Variants in ASB13 observed in about 807,000 individuals in gnomAD.
ASB13 encodes ankyrin repeat and SOCS box protein 13.
In ASB13, 33 loss-of-function variants were observed where a neutral mutation model predicts 28.8. That is an observed-to-expected ratio of 1.15 (90% CI 0.87 to 1.53). The LOEUF (loss-of-function observed/expected upper bound fraction) is 1.53. ASB13 is among the 40% of genes most tolerant of loss of function. The pLI is 0.00. For synonymous variants in ASB13, 182 were observed against 172.9 expected, an observed-to-expected ratio of 1.05 and a Z score of -0.41; for missense variants, 414 against 390.1, an observed-to-expected ratio of 1.06 and a Z score of -0.52.
rs1006916489 is a variant in ASB13, at chr10:5,655,669, G to A, written c.44-2619C>T. 2.0e-5 allele frequency among the ~76,000 whole-genome samples: 3 copies of A among 152,206 alleles called. No homozygotes were observed. Among genetic ancestry groups the A allele is most frequent in the African/African-American group, 7.2e-5 (3 of 41,464 alleles). ...CTCCAGGTGGCCCTCAGCCCCACCA[G>A]TAGTAATGAACAGTAACCCACTGCC... On this transcript the variant is annotated intron_variant, in intron 1 of 5. Transcript: ENST00000357700. This position sits in a 1 kb window ranked among gnomAD's most constrained non-coding sequence, Gnocchi z 6.2.
At chr10:5,648,087 G>A (rs61832711) in intron 4 of ASB13, among the ~76,000 whole-genome samples, 22 of 111,040 alleles carry the variant, frequency 2.0e-4, no homozygotes, top group South Asian at 1.6e-3. Flanking sequence ...AAACACCCAC[G>A]CAGGCAAACA....
chr10:5,666,395 C>A, intron 1 of ASB13, 114 bp downstream of exon 1: 3 of 960,670 alleles, frequency 3.1e-6, no homozygotes, highest in East Asian at 4.2e-5. Flanking sequence ...CCCCCGCCCA[C>A]GGAGCCAGCG....
At chr10:5,647,607 G>T (rs1039131954) in intron 4 of ASB13, among the ~76,000 whole-genome samples, 1 of 152,188 alleles carries the variant, frequency 6.6e-6, no homozygotes, top group Admixed American at 6.5e-5. Flanking sequence ...TCACCAGGCA[G>T]CTGTGGGGAC....
rs1178535179 is a variant in ASB13 at position 5,645,548 on chromosome 10, G to C, written c.517+3422C>G. On this transcript the variant is annotated intron_variant, in intron 4 of 5. Transcript: ENST00000357700. This position sits in a 1 kb window ranked among gnomAD's most constrained non-coding sequence, Gnocchi z 5.4. ...AAAGAACAAGAACAACGGTCTCCAC[G>C]TCCCCCGTGGGGTGCAACGTGGCTC... is the stretch of plus-strand genomic sequence containing the variant. Among the ~76,000 whole-genome samples the C allele has an allele frequency of 6.6e-6, 1 of 152,228 alleles. No individual in the cohort carries two copies. Among genetic ancestry groups the C allele is most frequent in the Non-Finnish European group, 1.5e-5 (1 of 68,020 alleles).
rs117956194 is a variant in ASB13, at chr10:5,660,524, C to G, written c.43+5985G>C. Among the ~76,000 whole-genome samples the G allele has an allele frequency of 6.6e-6, 1 of 152,174 alleles. No homozygotes were observed. Among genetic ancestry groups the G allele is most frequent in the Non-Finnish European group, 1.5e-5 (1 of 68,032 alleles). The stretch of plus-strand genomic sequence containing the variant: ...GGCAAGCTGCAGGAACCACCCTGCT[C>G]GTGAGTTCAAAGCTCGTCTCACAGC... On this transcript the variant is annotated intron_variant, in intron 1 of 5. Transcript: ENST00000357700. This position sits in a 1 kb window ranked among gnomAD's most constrained non-coding sequence, Gnocchi z 6.1.
chr10:5,645,963 G>A lies in ASB13; in HGVS notation c.517+3007C>T, dbSNP rs1834880578. On this transcript the variant is annotated intron_variant, in intron 4 of 5. Coordinates refer to ENST00000357700, the MANE Select transcript of ASB13 (RefSeq NM_024701.4). This position sits in a 1 kb window ranked among gnomAD's most constrained non-coding sequence, Gnocchi z 5.4. ...CTAAGAAGAAGATGATGATCCATCT[G>A]CTCTCACAAGGGGTACTAGAGGAGA... Among the ~76,000 whole-genome samples the A allele has an allele frequency of 1.3e-5, 2 of 152,206 alleles. No individual in the cohort carries two copies. Among genetic ancestry groups the A allele is most frequent in the African/African-American group, 4.8e-5 (2 of 41,462 alleles).
chr10:5,647,672 A>C (rs1157281504), intron 4 of ASB13, among the ~76,000 whole-genome samples: 1 of 152,178 alleles, frequency 6.6e-6, no homozygotes, highest in African/African-American at 2.4e-5. Flanking sequence ...ACCTACTAGG[A>C]CACACCAGGC....
In ASB13 at chr10:5,663,863, C is replaced by A. The variant is rs1835212197; in HGVS notation, c.43+2646G>T. Among the ~76,000 whole-genome samples, 1 of 152,106 alleles carries A rather than the reference C, an allele frequency of 6.6e-6. No homozygotes were observed. The highest frequency in any genetic ancestry group is 6.5e-5 in the Admixed American group (1 of 15,276). On this transcript the variant is annotated intron_variant, in intron 1 of 5. Transcript: ENST00000357700. This position sits in a 1 kb window ranked among gnomAD's most constrained non-coding sequence, Gnocchi z 4.9. The stretch of plus-strand genomic sequence containing the variant: ...CCTTTAGAAATGCCCTGGACTGCTA[C>A]CCTAGTGGATTCTCCCTCTCCCCGC...
intron 4 of ASB13, among the ~76,000 whole-genome samples, chr10:5,647,775 G>A (rs759345316): frequency 3.3e-5 from 5 of 152,178 alleles, no homozygotes; most frequent in Non-Finnish European, 7.3e-5. Context: ...GTCTCAGCTG[G>A]CAAGTAAGAG....
Position 5,651,587 on chromosome 10 carries a change from GGCAGGATAAGCTCA to G in ASB13, c.232-238_232-225del, listed in dbSNP as rs1834986335. 7.6e-6 allele frequency: 4 copies of G among 525,336 alleles called. No homozygotes were observed. Among genetic ancestry groups the G allele is most frequent in the Admixed American group, 3.6e-5 (1 of 27,732 alleles). The allele number at this position is 525,336 out of a possible 1,614,324, so 32.5% of individuals were successfully genotyped here. A position where few individuals can be genotyped will look rare whatever the true frequency, so the allele number is the denominator to read the frequency against. On this transcript the variant is annotated intron_variant, in intron 2 of 5. Coordinates refer to ENST00000357700, the MANE Select transcript of ASB13 (RefSeq NM_024701.4). The surrounding 1 kb of genome is among the most constrained non-coding windows in gnomAD (Gnocchi z 5.1). ...CTCGTTCAGGATTCTTTTCTCTCAG[GGCAGGATAAGCTCA>G]GCAGCCCCCTCGCCACCCCCGCCCC...
rs955112440 is a variant in ASB13 at position 5,641,307 on chromosome 10, G to A, written c.709+463C>T. ...AGTAGAGATGGGGTTTCATCAAGTT[G>A]GCCAGGCTGGTTTCGAACTCCTGAC... On this transcript the variant is annotated intron_variant, in intron 5 of 5. Transcript: ENST00000357700. The surrounding 1 kb of genome is among the most constrained non-coding windows in gnomAD (Gnocchi z 8.4). Among the ~76,000 whole-genome samples, 1 of 152,084 alleles carries A rather than the reference G, an allele frequency of 6.6e-6. No homozygotes were observed. The highest frequency in any genetic ancestry group is 1.5e-5 in the Non-Finnish European group (1 of 68,030).
Position 5,651,421 on chromosome 10 carries a change from C to T in ASB13, c.232-58G>A. The T allele has an allele frequency of 1.4e-6, 2 of 1,479,676 alleles. No homozygotes were observed. Among genetic ancestry groups the T allele is most frequent in the Non-Finnish European group, 1.8e-6 (2 of 1,102,984 alleles). 91.7% of individuals were successfully genotyped at this position (1,479,676 alleles called of 1,614,324 possible). ...AGAGAAATGCCACGCAACCCACTTT[C>T]CCATCCTGCTGCAGGTTCATCTTTG... is the stretch of plus-strand genomic sequence containing the variant. On this transcript the variant is annotated intron_variant, in intron 2 of 5. Transcript: ENST00000357700. The surrounding 1 kb of genome is among the most constrained non-coding windows in gnomAD (Gnocchi z 5.1).
Position 5,652,062 on chromosome 10 carries a change from A to ACACAC in ASB13, c.232-700_232-699insGTGTG, listed in dbSNP as rs1588513752. The stretch of plus-strand genomic sequence containing the variant: ...CACACACACACACACACACACACAC[A>ACACAC]AAACTCTAACCTCAATGGAAGGAAT... On this transcript the variant is annotated intron_variant, in intron 2 of 5. Transcript: ENST00000357700. The surrounding 1 kb of genome is among the most constrained non-coding windows in gnomAD (Gnocchi z 5.0). Among the ~76,000 whole-genome samples, 13 of 146,412 alleles carry ACACAC rather than the reference A, an allele frequency of 8.9e-5. No homozygotes were observed. The highest frequency in any genetic ancestry group is 1.5e-4 in the African/African-American group (6 of 39,818).
In ASB13 at chr10:5,639,176, G is replaced by A. The variant is rs12573500; in HGVS notation, c.*1527C>T. ...CACGGCGGCCAGCATGAAGTTTTTC[G>A]CCAGATTTGTGGCCCCACCCCCAAG... is the stretch of plus-strand genomic sequence containing the variant. On this transcript the variant is annotated 3_prime_UTR_variant, in exon 6 of 6. Transcript: ENST00000357700. 0.047 allele frequency: 7,109 copies of A among 152,636 alleles called. 431 individuals carry two copies. The highest frequency in any genetic ancestry group is 0.2 in the Admixed American group (3,060 of 15,268). 9.5% of individuals were successfully genotyped at this position (152,636 alleles called of 1,614,324 possible). A position where few individuals can be genotyped will look rare whatever the true frequency, so the allele number is the denominator to read the frequency against.
In ASB13 at chr10:5,643,259, G is replaced by A. The variant is rs371563091; in HGVS notation, c.518-1298C>T. On this transcript the variant is annotated intron_variant, in intron 4 of 5. Transcript: ENST00000357700. The stretch of plus-strand genomic sequence containing the variant: ...CCATCACTTCCCGACAGTCTCAGAG[G>A]GTCAAAAGAGGAGCTGAGAGGTGGA... 6.6e-5 allele frequency among the ~76,000 whole-genome samples: 10 copies of A among 152,212 alleles called. No individual in the cohort carries two copies. In the South Asian group the frequency reaches 1.7e-3, roughly 25 times the overall value.
Position 5,651,257 on chromosome 10 carries a change from G to C in ASB13, c.338C>G (p.Pro113Arg), listed in dbSNP as rs753618201. Residue 113 changes from proline to arginine, a missense_variant, in exon 3 of 6, where the codon CCT (proline) becomes CGT (arginine). Pro to Arg is a moderately radical substitution (Grantham distance 103). Transcript: ENST00000357700. The surrounding 1 kb of genome is among the most constrained non-coding windows in gnomAD (Gnocchi z 5.1). ...LLLSYGAKVN[P>R]PLYTASPLHE... ...CAGGGGGGACGCTGTGTACAGGGGA[G>C]GGTTGACCTTGGCCCCGTAGGACAG... is the stretch of plus-strand genomic sequence containing the variant. 3 of 1,613,996 alleles carry C rather than the reference G, an allele frequency of 1.9e-6. No homozygotes were observed. The African/African-American group carries it at 4.0e-5, about 22-fold the overall frequency.
At position 5,649,524 on chromosome 10, in the gene ASB13, T is replaced by G. The variant is rs1834952011; in HGVS notation, c.383-420A>C. ...TCCTGTGCACCACGGCAGCCGCCTC[T>G]CCTGCCTCTTTTTTTTTTTTAGACA... On this transcript the variant is annotated intron_variant, in intron 3 of 5. Coordinates refer to ENST00000357700, the MANE Select transcript of ASB13 (RefSeq NM_024701.4). This position sits in a 1 kb window ranked among gnomAD's most constrained non-coding sequence, Gnocchi z 6.4. Among the ~76,000 whole-genome samples, 1 of 148,346 alleles carries G rather than the reference T, an allele frequency of 6.7e-6. No homozygotes were observed. The highest frequency in any genetic ancestry group is 2.5e-5 in the African/African-American group (1 of 40,526).
At chr10:5,648,361 G>T (rs1834921872) in intron 4 of ASB13, among the ~76,000 whole-genome samples, 1 of 104,940 alleles carries the variant, frequency 9.5e-6, no homozygotes, top group South Asian at 3.0e-4. Flanking sequence ...CACCCACGGG[G>T]GTAAACACCC....
rs1292783716 is a variant in ASB13 at position 5,659,485 on chromosome 10, A to C, written c.44-6435T>G. On this transcript the variant is annotated intron_variant, in intron 1 of 5. Coordinates refer to ENST00000357700, the MANE Select transcript of ASB13 (RefSeq NM_024701.4). The surrounding 1 kb of genome is among the most constrained non-coding windows in gnomAD (Gnocchi z 5.8). ...CACACAGCCGTGTCCAGTGACACCA[A>C]ACTCTACCGACTCACACAGAGTCCA... is the stretch of plus-strand genomic sequence containing the variant. Among the ~76,000 whole-genome samples the C allele has an allele frequency of 6.6e-6, 1 of 152,088 alleles. No individual in the cohort carries two copies. The highest frequency in any genetic ancestry group is 1.5e-5 in the Non-Finnish European group (1 of 68,002).
Sources: gnomAD v4.1 joint callset for allele counts (sites outside exome capture counted in the v4.1 genomes callset) on GRCh38, gnomAD v4.1.1 for gene constraint, Gnocchi (gnomAD v3.1) non-coding constraint, MANE v1.5 for transcripts, NCBI Gene and HGNC (gene_info 2026-07-23, HGNC 2026-07-21) for gene names.